Variants in TBC1D1 observed in about 807,000 individuals in gnomAD.
TBC1D1 encodes the protein TBC1 (tre-2/USP6, BUB2, cdc16) domain family, member 1.
A neutral mutation model predicts 125.6 loss-of-function variants in TBC1D1; 89 were observed. The ratio of observed to expected loss-of-function variants is 0.71; its 90% confidence interval spans 0.60 to 0.85. TBC1D1 has a LOEUF of 0.85. TBC1D1 is among the 40% of genes least tolerant of loss of function. The probability of loss-of-function intolerance (pLI) is 0.00; values close to 1 mark genes in which losing one functional copy is unlikely to be tolerated. For missense variants in TBC1D1, 1,377 were observed against 1,469.2 expected (o/e 0.94, Z 1.03); for synonymous variants, 565 against 564.1 (o/e 1.00, Z -0.02).
intron 18 of TBC1D1, among the ~76,000 whole-genome samples, chr4:38,128,185 C>T (rs534372977): frequency 6.6e-6 from 1 of 152,230 alleles, no homozygotes; most frequent in East Asian, 1.9e-4. Flanking sequence ...GTATCGGGAG[C>T]ACAAAAATTT....
At chr4:37,915,467 G>T (rs1719528970) in intron 2 of TBC1D1, among the ~76,000 whole-genome samples, 1 of 152,158 alleles carries the variant, frequency 6.6e-6, no homozygotes, top group South Asian at 2.1e-4. Flanking sequence ...GGAAGGGGAA[G>T]ATCAGTGTCC....
rs1758173343 is a variant in TBC1D1 at position 38,090,049 on chromosome 4, T to C, written c.2168T>C (p.Leu723Pro). The change falls in exon 13 of 20, where the codon CTG becomes CCG. Residue 723 changes from leucine to proline, a missense_variant. Leu to Pro is a moderately conservative substitution (Grantham distance 98, BLOSUM62 -3). Transcript: ENST00000261439. ...AGGACATCTCGTGAGCTCCGAGAGC[T>C]GTGGCAAAAGGCTATTCTTCAACAG... 6.2e-7 allele frequency: 1 copy of C among 1,614,096 alleles called. No individual in the cohort carries two copies. The highest frequency in any genetic ancestry group is 8.5e-7 in the Non-Finnish European group (1 of 1,180,004).
intron 11 of TBC1D1, chr4:38,051,984 G>A (rs1479577633): frequency 1.3e-6 from 2 of 1,550,668 alleles, no homozygotes; most frequent in Admixed American, 3.9e-5. Flanking sequence ...TAACCCCTCC[G>A]CCTCCTCGCC....
chr4:37,921,937 A>G (rs991816271), intron 2 of TBC1D1, among the ~76,000 whole-genome samples: 1 of 151,828 alleles, frequency 6.6e-6, no homozygotes, highest in Non-Finnish European at 1.5e-5. Context: ...GCTTCTCGCT[A>G]TGTTGCCTAG....
chr4:37,919,311 G>A (rs1377005314), intron 2 of TBC1D1, among the ~76,000 whole-genome samples: 2 of 151,082 alleles, frequency 1.3e-5, no homozygotes, highest in East Asian at 3.9e-4. Context: ...GAAAAGGCAT[G>A]TGCCACCATG....
intron 18 of TBC1D1, among the ~76,000 whole-genome samples, chr4:38,125,453 A>G (rs115175452): frequency 2.0e-5 from 3 of 152,202 alleles, no homozygotes; most frequent in Admixed American, 1.3e-4. Flanking sequence ...TATTTATGCA[A>G]TGATGCAATG....
At chr4:38,057,183 T>C (rs1751881629) in intron 12 of TBC1D1, among the ~76,000 whole-genome samples, 1 of 152,132 alleles carries the variant, frequency 6.6e-6, no homozygotes, top group Non-Finnish European at 1.5e-5. Context: ...ACCATCCATG[T>C]CCACCTTTCC....
intron 2 of TBC1D1, among the ~76,000 whole-genome samples, chr4:38,004,751 G>A (rs1469588459): frequency 6.6e-6 from 1 of 152,126 alleles, no homozygotes; most frequent in Non-Finnish European, 1.5e-5. Flanking sequence ...ATGTTTCCAG[G>A]GATTATGGGC....
intron 1 of TBC1D1, among the ~76,000 whole-genome samples, chr4:37,893,765 G>A (rs899318683): frequency 2.0e-5 from 3 of 152,218 alleles, no homozygotes; most frequent in Non-Finnish European, 4.4e-5. Flanking sequence ...GGCGGAGGTT[G>A]CAGTGAAACA....
At position 37,902,189 on chromosome 4, in the gene TBC1D1, C is replaced by T; in HGVS notation, c.94C>T (p.His32Tyr). The T allele has an allele frequency of 1.2e-6, 2 of 1,614,118 alleles. No homozygotes were observed. Among genetic ancestry groups the T allele is most frequent in the Non-Finnish European group, 1.7e-6 (2 of 1,180,030 alleles). The change falls in exon 2 of 20, where the codon CAT becomes TAT. Residue 32 changes from histidine to tyrosine, a missense_variant. By Grantham distance (83) the His-to-Tyr change is moderately conservative. Coordinates refer to ENST00000261439, the MANE Select transcript of TBC1D1 (RefSeq NM_015173.4). ...GCAGCTGGTGGGCTCCCTGCCTGTG[C>T]ATTCCCTGACCACCATGCCCATGCT...
chr4:38,001,441 A>G (rs946782124), intron 2 of TBC1D1, among the ~76,000 whole-genome samples: 11 of 152,216 alleles, frequency 7.2e-5, no homozygotes, highest in African/African-American at 2.7e-4. Flanking sequence ...ATAATGGATT[A>G]AATAGTTGGC....
chr4:38,060,984 A>G (rs1205893573), intron 12 of TBC1D1, among the ~76,000 whole-genome samples: 4 of 152,198 alleles, frequency 2.6e-5, no homozygotes, highest in African/African-American at 9.6e-5. Context: ...GTCTCTAGTG[A>G]TGGACTCCAG....
intron 14 of TBC1D1, among the ~76,000 whole-genome samples, chr4:38,099,303 A>G (rs1759894682): frequency 6.6e-6 from 1 of 152,224 alleles, no homozygotes; most frequent in South Asian, 2.1e-4. Flanking sequence ...CTGACGTAAA[A>G]GATGTCTAAG....
chr4:38,045,778 C>G (rs1749327191), intron 9 of TBC1D1, 39 bp from the exon 10 acceptor site: 6 of 1,552,400 alleles, frequency 3.9e-6, no homozygotes, highest in Non-Finnish European at 5.3e-6. Context: ...TTTGCAAAAG[C>G]CTCCAGAGTC....
intron 1 of TBC1D1, among the ~76,000 whole-genome samples, chr4:37,895,329 G>A (rs1414151842): frequency 6.6e-6 from 1 of 152,204 alleles, no homozygotes; most frequent in Non-Finnish European, 1.5e-5. Flanking sequence ...CTGAGGGCCA[G>A]CTAGGACACT....
intron 2 of TBC1D1, among the ~76,000 whole-genome samples, chr4:38,000,995 C>T (rs754743224): frequency 5.9e-5 from 9 of 152,080 alleles, no homozygotes; most frequent in African/African-American, 7.2e-5. Context: ...CTGAGGCGAG[C>T]GGATCACCAG....
chr4:38,000,766 C>A (rs1050401041), intron 2 of TBC1D1, among the ~76,000 whole-genome samples: 1 of 152,108 alleles, frequency 6.6e-6, no homozygotes, highest in Non-Finnish European at 1.5e-5. Flanking sequence ...TAGCACAGAC[C>A]CCACAAGTTA....
intron 7 of TBC1D1, among the ~76,000 whole-genome samples, chr4:38,034,609 G>T (rs1156505679): frequency 6.6e-6 from 1 of 152,322 alleles, no homozygotes; most frequent in African/African-American, 2.4e-5. Flanking sequence ...ACCAAGAGTG[G>T]TGTTGACCCA....
chr4:37,995,598 CCT>C lies in TBC1D1; in HGVS notation c.418-18910_418-18909del. On this transcript the variant is annotated intron_variant, in intron 2 of 19. Coordinates refer to ENST00000261439, the MANE Select transcript of TBC1D1 (RefSeq NM_015173.4). This position sits in a 1 kb window ranked among gnomAD's most constrained non-coding sequence, Gnocchi z 4.3. ...CACAGAAGGCCTTCAGGTCCAGTACCCTGGCCTTGACCTCCCCATAGGCTGTC... is the reference window on the plus strand; with the variant it reads ...CACAGAAGGCCTTCAGGTCCAGTACCGGCCTTGACCTCCCCATAGGCTGTC... 1 of 473,554 alleles carries C rather than the reference CCT, an allele frequency of 2.1e-6. No individual in the cohort carries two copies. Among genetic ancestry groups the C allele is most frequent in the South Asian group, 1.6e-5 (1 of 62,490 alleles). The allele number at this position is 473,554 out of a possible 1,614,324, so 29.3% of individuals were successfully genotyped here.
Sources: gnomAD v4.1 joint callset for allele counts (sites outside exome capture counted in the v4.1 genomes callset) on GRCh38, gnomAD v4.1.1 for gene constraint, Gnocchi (gnomAD v3.1) non-coding constraint, MANE v1.5 for transcripts, NCBI Gene and HGNC (gene_info 2026-07-23, HGNC 2026-07-21) for gene names.